The following MCOLN1 variants were observed in gnomAD, a reference collection of about 807,000 sequenced individuals.
The protein encoded by MCOLN1 is mucolipin TRP cation channel 1.
Under a neutral mutation model 70.3 loss-of-function variants are expected in MCOLN1, and 50 were observed. That is an observed-to-expected ratio of 0.71 (90% CI 0.57 to 0.90). The LOEUF is 0.90. Among genes scored for constraint, MCOLN1 ranks in the 40% least tolerant of loss-of-function variants. The pLI, the probability that MCOLN1 is intolerant of heterozygous loss-of-function variation, is 0.00. For missense variants in MCOLN1, 598 were observed against 803.5 expected (o/e 0.74, Z 3.09); for synonymous variants, 366 against 341.0 (o/e 1.07, Z -0.81).
chr19:7,528,729 G>T lies in MCOLN1; in HGVS notation c.984+26G>T. On this transcript the variant is annotated intron_variant, in intron 8 of 13. Coordinates refer to ENST00000264079, the MANE Select transcript of MCOLN1 (RefSeq NM_020533.3). This position sits in a 1 kb window ranked among gnomAD's most constrained non-coding sequence, Gnocchi z 4.2. ...GTGAGGCTTCTGCGTCATGTGTGCT[G>T]GTGTCCTCCCCGCCTGGCCCTGGGG... The T allele has an allele frequency of 1.2e-6, 2 of 1,614,194 alleles. No individual in the cohort carries two copies. The highest frequency in any genetic ancestry group is 1.7e-6 in the Non-Finnish European group (2 of 1,180,026).
Position 7,522,775 on chromosome 19 carries a change from G to C in MCOLN1, c.25G>C (p.Gly9Arg). The C allele has an allele frequency of 1.5e-6, 2 of 1,377,266 alleles. No homozygotes were observed. Among genetic ancestry groups the C allele is most frequent in the Non-Finnish European group, 1.9e-6 (2 of 1,070,268 alleles). The allele number at this position is 1,377,266 out of a possible 1,614,324, so 85.3% of individuals were successfully genotyped here. The change falls in exon 1 of 14, where the codon GGC becomes CGC. Residue 9 changes from glycine (G) to arginine (R), a missense_variant. Physicochemically the swap from Gly to Arg is moderately radical, Grantham distance 125. Transcript: ENST00000264079. ...CATGACAGCCCCGGCGGGTCCGCGC[G>C]GCTCAGGTGAGGGCGCGGGCGGCAC... is the stretch of plus-strand genomic sequence containing the variant. MTAPAGPR[G>R]SETERLLTPN... is the part of the protein sequence containing the mutation.
At position 7,522,660 on chromosome 19, in the gene MCOLN1, C is replaced by G; in HGVS notation, c.-91C>G. 7.5e-7 allele frequency: 1 copy of G among 1,340,734 alleles called. No homozygotes were observed. Among genetic ancestry groups the G allele is most frequent in the Non-Finnish European group, 9.8e-7 (1 of 1,017,360 alleles). 83.1% of individuals were successfully genotyped at this position (1,340,734 alleles called of 1,614,324 possible). On this transcript the variant is annotated 5_prime_UTR_variant, in exon 1 of 14. Coordinates refer to ENST00000264079, the MANE Select transcript of MCOLN1 (RefSeq NM_020533.3). ...GATGCCGGAGGGTTTGAAGCCGCGC[C>G]GCGAGGGAGCGAGGTCGCAGTGACA... is the stretch of plus-strand genomic sequence containing the variant.
At position 7,525,587 on chromosome 19, in the gene MCOLN1, AG is replaced by A. The variant is rs2022557740; in HGVS notation, c.237+423del. On this transcript the variant is annotated intron_variant, in intron 2 of 13. Transcript: ENST00000264079. This position sits in a 1 kb window ranked among gnomAD's most constrained non-coding sequence, Gnocchi z 4.2. ...ACATTGGGAGCTGGGATTTGAACCC[AG>A]GCAGTCTGACACCATGTTGACCCAA... 1 of 264,258 alleles carries A rather than the reference AG, an allele frequency of 3.8e-6. No homozygotes were observed. Among genetic ancestry groups the A allele is most frequent in the Admixed American group, 5.2e-5 (1 of 19,218 alleles). The allele number at this position is 264,258 out of a possible 1,614,324, so 16.4% of individuals were successfully genotyped here.
At chr19:7,522,927 A>C in intron 1 of MCOLN1, 146 bp downstream of exon 1, 1 of 699,688 alleles carries the variant, frequency 1.4e-6, no homozygotes, top group Non-Finnish European at 2.0e-6. Flanking sequence ...CGGCTCCTAG[A>C]ACTTGGGCGG....
chr19:7,526,630 G>C lies in MCOLN1; in HGVS notation c.405+24G>C. On this transcript the variant is annotated intron_variant, in intron 3 of 13. Transcript: ENST00000264079. The surrounding 1 kb of genome is among the most constrained non-coding windows in gnomAD (Gnocchi z 4.6). Reference sequence around the variant, plus strand: ...AGGTGCTGGTGGGCGGGCAGGTGCTGGTGGGCAGGCAGGTGCAGGTGGGCG... The same window carrying C: ...AGGTGCTGGTGGGCGGGCAGGTGCTCGTGGGCAGGCAGGTGCAGGTGGGCG... 3 of 1,608,152 alleles carry C rather than the reference G, an allele frequency of 1.9e-6. No individual in the cohort carries two copies. Among genetic ancestry groups the C allele is most frequent in the Non-Finnish European group, 2.5e-6 (3 of 1,179,356 alleles).
chr19:7,529,242 C>T (rs1298782239), intron 10 of MCOLN1, 40 bp downstream of exon 10: 4 of 1,526,146 alleles, frequency 2.6e-6, no homozygotes, highest in Non-Finnish European at 3.6e-6. Flanking sequence ...CACATGGTTA[C>T]TCCACACCCT....
At position 7,525,185 on chromosome 19, in the gene MCOLN1, G is replaced by C; in HGVS notation, c.237+19G>C. 6.2e-7 allele frequency: 1 copy of C among 1,612,814 alleles called. No individual in the cohort carries two copies. The highest frequency in any genetic ancestry group is 8.5e-7 in the Non-Finnish European group (1 of 1,179,282). On this transcript the variant is annotated intron_variant, in intron 2 of 13. Transcript: ENST00000264079. This position sits in a 1 kb window ranked among gnomAD's most constrained non-coding sequence, Gnocchi z 4.2. ...GGTGCAGGTGAGGCCAGCCAAGCAGGGGCCCCAGCTGAAGGCCACCTGTGG... is the reference window on the plus strand; with the variant it reads ...GGTGCAGGTGAGGCCAGCCAAGCAGCGGCCCCAGCTGAAGGCCACCTGTGG...
chr19:7,527,820 G>A lies in MCOLN1; in HGVS notation c.681-44G>A, dbSNP rs201813565. On this transcript the variant is annotated intron_variant, in intron 5 of 13. Coordinates refer to ENST00000264079, the MANE Select transcript of MCOLN1 (RefSeq NM_020533.3). ...GGACGCTGGCACTTGGGGCCGGAAGGGACCCGAAGACGCCCCTGACCCTCA... is the reference window on the plus strand; with the variant it reads ...GGACGCTGGCACTTGGGGCCGGAAGAGACCCGAAGACGCCCCTGACCCTCA... 2.0e-6 allele frequency: 3 copies of A among 1,492,330 alleles called. No homozygotes were observed. The Admixed American group carries it at 5.0e-5, about 25-fold the overall frequency. The allele number at this position is 1,492,330 out of a possible 1,614,324, so 92.4% of individuals were successfully genotyped here. A position where few individuals can be genotyped will look rare whatever the true frequency, so the allele number is the denominator to read the frequency against.
intron 13 of MCOLN1, 49 bp downstream of exon 13, chr19:7,533,702 G>A: frequency 1.2e-6 from 2 of 1,614,170 alleles, no homozygotes; most frequent in Non-Finnish European, 1.7e-6. Context: ...AGGGAATGGG[G>A]AAAGGGGAGC....
At chr19:7,531,177 C>G (rs1010504894) in intron 12 of MCOLN1, among the ~76,000 whole-genome samples, 1 of 152,154 alleles carries the variant, frequency 6.6e-6, no homozygotes, top group African/African-American at 2.4e-5. Flanking sequence ...GGATTACAGG[C>G]GTAAGCCACC....
chr19:7,527,735 G>A (rs770838672), intron 5 of MCOLN1, 107 bp downstream of exon 5: 27 of 1,080,056 alleles, frequency 2.5e-5, no homozygotes, highest in South Asian at 7.5e-5. Context: ...CCCCCCGCCC[G>A]CGCTGGTGCC....
In MCOLN1 at chr19:7,529,725, CCT is replaced by C; in HGVS notation, c.1359+14_1359+15del. 2 of 1,613,858 alleles carry C rather than the reference CCT, an allele frequency of 1.2e-6. No individual in the cohort carries two copies. ...CTATCATGTGAAGGTACATCTAACC[CCT>C]GATGTCCCTGACATTGACCCTGTGA... On this transcript the variant is annotated intron_variant, in intron 11 of 13. Coordinates refer to ENST00000264079, the MANE Select transcript of MCOLN1 (RefSeq NM_020533.3).
Position 7,530,378 on chromosome 19 carries a change from G to T in MCOLN1, c.1452G>T (p.Gln484His), listed in dbSNP as rs1162374316. 1.9e-6 allele frequency: 3 copies of T among 1,613,930 alleles called. No individual in the cohort carries two copies. Among genetic ancestry groups the T allele is most frequent in the Non-Finnish European group, 2.5e-6 (3 of 1,180,040 alleles). ...CGTTCGCCGCCATGCAGGCGCAGCA[G>T]GGCCGCAGCAGCCTGGTGTGGCTCT... ...FVTFAAMQAQ[Q>H]GRSSLVWLFS... The change falls in exon 12 of 14, where the codon CAG becomes CAT. Residue 484 changes from glutamine to histidine, a missense_variant. By Grantham distance (24) the Gln-to-His change is conservative. Around this residue, in one of 3 missense-constraint regions of MCOLN1, gnomAD observed 78 missense variants for 156.2 expected, o/e 0.50. Coordinates refer to ENST00000264079, the MANE Select transcript of MCOLN1 (RefSeq NM_020533.3).
chr19:7,529,523 C>G, intron 10 of MCOLN1, 67 bp from the exon 11 acceptor site: 16 of 1,156,008 alleles, frequency 1.4e-5, no homozygotes, highest in East Asian at 3.0e-5. Context: ...CCACCCCCAT[C>G]TGGGTGCCCA....
chr19:7,528,634 C>T lies in MCOLN1; in HGVS notation c.915C>T (p.Val305=), dbSNP rs578062566. The part of the protein sequence containing the change: ...NSFRLLFDVV[V]ILTCSLSFLL... ...TCCGGCTCCTGTTTGACGTGGTGGT[C>T]ATCCTCACCTGCTCCCTGTCCTTCC... Residue 305 remains valine (V), a synonymous_variant, in exon 8 of 14, where the codon GTC becomes GTT. Transcript: ENST00000264079. This position sits in a 1 kb window ranked among gnomAD's most constrained non-coding sequence, Gnocchi z 4.2. 28 of 1,614,252 alleles carry T rather than the reference C, an allele frequency of 1.7e-5. 1 individual carries two copies. In the South Asian group the frequency reaches 2.7e-4, roughly 16 times the overall value.
At chr19:7,527,725 C>T in intron 5 of MCOLN1, 97 bp downstream of exon 5, 1 of 1,084,482 alleles carries the variant, frequency 9.2e-7, no homozygotes, top group Non-Finnish European at 1.4e-6. Flanking sequence ...GGGACAGGGC[C>T]CCCCCGCCCG....
intron 1 of MCOLN1, among the ~76,000 whole-genome samples, chr19:7,523,892 G>T (rs1458760528): frequency 1.3e-5 from 2 of 151,560 alleles, no homozygotes; most frequent in African/African-American, 4.9e-5. Flanking sequence ...TGTTGCCCAG[G>T]CTGTAGTGCA....
Position 7,525,054 on chromosome 19 carries a change from G to A in MCOLN1, c.125G>A (p.Arg42His), listed in dbSNP as rs567671852. 7.4e-6 allele frequency: 12 copies of A among 1,614,048 alleles called. No homozygotes were observed. The highest frequency in any genetic ancestry group is 6.7e-5 in the East Asian group (3 of 44,876). ...PPTPPEEEDL[R>H]RRLKYFFMSP... ...ACACCCCCAGAAGAGGAAGACCTTCGCCGTCGTCTCAAATACTTTTTCATG... is the reference window on the plus strand; with the variant it reads ...ACACCCCCAGAAGAGGAAGACCTTCACCGTCGTCTCAAATACTTTTTCATG... Residue 42 changes from arginine (R) to histidine (H), a missense_variant, in exon 2 of 14, where the codon CGC becomes CAC. Physicochemically the swap from Arg to His is conservative, Grantham distance 29. Transcript: ENST00000264079. This position sits in a 1 kb window ranked among gnomAD's most constrained non-coding sequence, Gnocchi z 4.2.
chr19:7,533,594 C>G lies in MCOLN1; in HGVS notation c.1647C>G (p.Thr549=), dbSNP rs1217356394. ...TCGCACAGTGCCAGGACAGCCCCACCTCCGGCAAGTTCCGCCGCGGGAGCG... is the reference window on the plus strand; with the variant it reads ...TCGCACAGTGCCAGGACAGCCCCACGTCCGGCAAGTTCCGCCGCGGGAGCG... ...AYIAQCQDSP[T]SGKFRRGSGS... Residue 549 remains threonine (T), a synonymous_variant, in exon 13 of 14, where the codon ACC becomes ACG. Coordinates refer to ENST00000264079, the MANE Select transcript of MCOLN1 (RefSeq NM_020533.3). 6.2e-7 allele frequency: 1 copy of G among 1,613,458 alleles called. No individual in the cohort carries two copies. The highest frequency in any genetic ancestry group is 8.5e-7 in the Non-Finnish European group (1 of 1,179,986).
Sources: gnomAD v4.1 joint callset for allele counts (sites outside exome capture counted in the v4.1 genomes callset) on GRCh38, gnomAD v4.1.1 for gene constraint, gnomAD v4.1.1 regional missense constraint, Gnocchi (gnomAD v3.1) non-coding constraint, MANE v1.5 for transcripts, NCBI Gene and HGNC (gene_info 2026-07-23, HGNC 2026-07-21) for gene names.